Variants in TSHZ2 observed in about 807,000 individuals in gnomAD.
TSHZ2 encodes teashirt homolog 2.
In TSHZ2, 21 loss-of-function variants were observed where a neutral mutation model predicts 74.4. The ratio of observed to expected loss-of-function variants is 0.28; its 90% confidence interval spans 0.20 to 0.41. The LOEUF is 0.41. Ranked by LOEUF, TSHZ2 falls within the 10% of genes least tolerant of loss-of-function variation. The pLI is 1.00. For missense variants in TSHZ2, 1,244 were observed against 1,293.5 expected (o/e 0.96, Z 0.59); for synonymous variants, 540 against 515.3 (o/e 1.05, Z -0.65).
intron 1 of TSHZ2, among the ~76,000 whole-genome samples, chr20:53,164,106 T>C (rs951241610): frequency 2.6e-5 from 4 of 152,202 alleles, no homozygotes; most frequent in Non-Finnish European, 4.4e-5. Flanking sequence ...AACACCACTG[T>C]GGTGAACATC....
intron 2 of TSHZ2, among the ~76,000 whole-genome samples, chr20:53,298,192 G>T (rs549803284): frequency 3.9e-4 from 60 of 152,258 alleles, no homozygotes; most frequent in African/African-American, 1.4e-3. Context: ...CCCACTATAC[G>T]CCAGGTACTC....
intron 1 of TSHZ2, among the ~76,000 whole-genome samples, chr20:53,192,495 G>A (rs1379908941): frequency 6.6e-6 from 1 of 151,388 alleles, no homozygotes; most frequent in Non-Finnish European, 1.5e-5. Flanking sequence ...GCATTTGGGA[G>A]CTGGAAAACC....
chr20:53,446,834 C>A (rs777940574), intron 2 of TSHZ2, among the ~76,000 whole-genome samples: 3 of 152,170 alleles, frequency 2.0e-5, no homozygotes, highest in Non-Finnish European at 4.4e-5. Flanking sequence ...CAGCTCCTAA[C>A]ATGGGAGATG....
In TSHZ2 at chr20:53,494,801, C is replaced by T. The variant is rs1404447558; in HGVS notation, c.*7666C>T. 1 of 150,998 alleles carries T rather than the reference C, an allele frequency of 6.6e-6. No homozygotes were observed. Among genetic ancestry groups the T allele is most frequent in the Non-Finnish European group, 1.5e-5 (1 of 67,848 alleles). The allele number at this position is 150,998 out of a possible 1,614,324, so 9.4% of individuals were successfully genotyped here. ...AAGGTTTCTATAAGTATATTATTTACATTTTTATACATGATAACTCTTGCC... is the reference window on the plus strand; with the variant it reads ...AAGGTTTCTATAAGTATATTATTTATATTTTTATACATGATAACTCTTGCC... On this transcript the variant is annotated 3_prime_UTR_variant, in exon 3 of 3. Coordinates refer to ENST00000371497, the MANE Select transcript of TSHZ2 (RefSeq NM_173485.6).
intron 1 of TSHZ2, among the ~76,000 whole-genome samples, chr20:53,045,103 A>G (rs961657765): frequency 6.6e-6 from 1 of 152,164 alleles, no homozygotes; most frequent in South Asian, 2.1e-4. Context: ...ACAAAGATGC[A>G]TTTACCACTC....
At chr20:53,388,098 T>C (rs750594977) in intron 2 of TSHZ2, among the ~76,000 whole-genome samples, 8 of 151,496 alleles carry the variant, frequency 5.3e-5, no homozygotes, top group Non-Finnish European at 8.8e-5. Flanking sequence ...GATGGTCAGA[T>C]TTACTCATCC....
At chr20:53,115,454 A>G (rs1986643398) in intron 1 of TSHZ2, among the ~76,000 whole-genome samples, 1 of 152,180 alleles carries the variant, frequency 6.6e-6, no homozygotes, top group Non-Finnish European at 1.5e-5. Context: ...GCTGCCATGT[A>G]AGACATGCCT....
At chr20:53,239,827 G>A (rs1990024136) in intron 1 of TSHZ2, among the ~76,000 whole-genome samples, 1 of 152,122 alleles carries the variant, frequency 6.6e-6, no homozygotes, top group African/African-American at 2.4e-5. Flanking sequence ...TGTGTAACAT[G>A]AAAAATATCA....
chr20:53,469,818 T>C (rs577171605), intron 2 of TSHZ2, among the ~76,000 whole-genome samples: 1,535 of 65,010 alleles, frequency 0.024, 103 homozygotes, highest in Middle Eastern at 0.036. Context: ...CCAACAAAGA[T>C]AGAGAAAGAG....
intron 1 of TSHZ2, among the ~76,000 whole-genome samples, chr20:52,980,955 A>G (rs761581564): frequency 4.6e-5 from 7 of 152,244 alleles, no homozygotes; most frequent in Non-Finnish European, 8.8e-5. Context: ...CCAGAGAGAT[A>G]TGAATAGCTT....
At chr20:53,336,856 A>G (rs941097233) in intron 2 of TSHZ2, among the ~76,000 whole-genome samples, 3 of 152,196 alleles carry the variant, frequency 2.0e-5, no homozygotes, top group African/African-American at 7.2e-5. Flanking sequence ...GTGTGTATAC[A>G]TACACACACT....
chr20:53,102,881 TTA>T (rs201827584), intron 1 of TSHZ2, among the ~76,000 whole-genome samples: 10,069 of 150,656 alleles, frequency 0.067, 401 homozygotes, highest in Non-Finnish European at 0.1. Flanking sequence ...TTTTTTTTTT[TTA>T]TTATACTTTA....
At chr20:53,071,087 C>T (rs887088667) in intron 1 of TSHZ2, among the ~76,000 whole-genome samples, 5 of 152,178 alleles carry the variant, frequency 3.3e-5, no homozygotes, top group African/African-American at 1.2e-4. Context: ...ATAGCACATA[C>T]ATAAATGACT....
At chr20:53,031,449 T>C (rs1384824633) in intron 1 of TSHZ2, among the ~76,000 whole-genome samples, 3 of 152,120 alleles carry the variant, frequency 2.0e-5, no homozygotes, top group African/African-American at 7.2e-5. Flanking sequence ...AGAAGACAAG[T>C]GAGACAACAG....
intron 1 of TSHZ2, among the ~76,000 whole-genome samples, chr20:53,003,361 A>T (rs966313052): frequency 1.3e-5 from 2 of 151,096 alleles, no homozygotes; most frequent in South Asian, 2.1e-4. Context: ...TCAGGATCTT[A>T]TTTTGGAAGC....
chr20:53,072,298 A>G (rs1049998122), intron 1 of TSHZ2, among the ~76,000 whole-genome samples: 7 of 152,232 alleles, frequency 4.6e-5, no homozygotes, highest in Non-Finnish European at 7.3e-5. Flanking sequence ...TTAAGGCAAC[A>G]TGGTATACAA....
At chr20:53,392,742 T>C (rs1450948282) in intron 2 of TSHZ2, among the ~76,000 whole-genome samples, 1 of 152,226 alleles carries the variant, frequency 6.6e-6, no homozygotes, top group Non-Finnish European at 1.5e-5. Flanking sequence ...GGGGTACCTA[T>C]GCAGGTTTGT....
In TSHZ2 at chr20:53,148,868, G is replaced by A. The variant is rs551087946; in HGVS notation, c.41-104631G>A. 4.3e-4 allele frequency among the ~76,000 whole-genome samples: 65 copies of A among 152,232 alleles called. 1 individual carries two copies. In the South Asian group the frequency reaches 0.013, roughly 32 times the overall value. ...AATTTAGGCTTAACAAACAAAGCTC[G>A]GGTTGACTCACTTTTTTTCAGAGGC... is the stretch of plus-strand genomic sequence containing the variant. On this transcript the variant is annotated intron_variant, in intron 1 of 2. Transcript: ENST00000371497.
chr20:53,472,857 G>T (rs1417779505), intron 2 of TSHZ2, among the ~76,000 whole-genome samples: 1 of 152,078 alleles, frequency 6.6e-6, no homozygotes, highest in Non-Finnish European at 1.5e-5. Context: ...AGCGCAAGGG[G>T]TCAGGGAGTT....
Sources: gnomAD v4.1 joint callset for allele counts (sites outside exome capture counted in the v4.1 genomes callset) on GRCh38, gnomAD v4.1.1 for gene constraint, MANE v1.5 for transcripts, NCBI Gene and HGNC (gene_info 2026-07-23, HGNC 2026-07-21) for gene names.